The following TENM2 variants were observed in gnomAD, a reference collection of about 807,000 sequenced individuals.
TENM2 encodes teneurin-2.
In TENM2, 52 loss-of-function variants were observed where a neutral mutation model predicts 245.2. The ratio of observed to expected loss-of-function variants is 0.21; its 90% CI spans 0.17 to 0.27. The LOEUF (loss-of-function observed/expected upper bound fraction) is 0.27, where lower values mean the gene tolerates loss of function less well. Ranked by LOEUF, TENM2 falls within the 10% of genes least tolerant of loss-of-function variation. The pLI is 1.00. For synonymous variants in TENM2, 1,363 were observed against 1,438.9 expected, an observed-to-expected ratio of 0.95 and a Z score of 1.19; for missense variants, 3,046 against 3,666.8, an observed-to-expected ratio of 0.83 and a Z score of 4.37.
chr5:167,451,003 A>G (rs1361343763), intron 2 of TENM2, among the ~76,000 whole-genome samples: 1 of 152,204 alleles, frequency 6.6e-6, no homozygotes, highest in Non-Finnish European at 1.5e-5. Context: ...TCATTATTTC[A>G]AAAATTGTTA....
At chr5:168,194,458 G>A (rs1278423676) in intron 14 of TENM2, among the ~76,000 whole-genome samples, 1 of 151,956 alleles carries the variant, frequency 6.6e-6, no homozygotes, top group East Asian at 1.9e-4. Context: ...GAAATAAATT[G>A]GTAGGATTTC....
intron 4 of TENM2, among the ~76,000 whole-genome samples, chr5:167,963,999 A>G (rs1172568638): frequency 1.3e-5 from 2 of 152,218 alleles, no homozygotes; most frequent in Admixed American, 1.3e-4. Context: ...ATCAAACATA[A>G]GGCAGAACTA....
chr5:168,109,955 C>G (rs1204262149), intron 9 of TENM2, among the ~76,000 whole-genome samples: 1 of 151,772 alleles, frequency 6.6e-6, no homozygotes, highest in Non-Finnish European at 1.5e-5. Flanking sequence ...ATGGCAGTTG[C>G]GTTACCAAAC....
intron 14 of TENM2, among the ~76,000 whole-genome samples, chr5:168,194,848 G>A (rs768447378): frequency 6.6e-6 from 1 of 152,094 alleles, no homozygotes; most frequent in African/African-American, 2.4e-5. Flanking sequence ...TGGCACTCTC[G>A]GTGCCAGGCT....
At chr5:167,621,116 A>G (rs1778142702) in intron 2 of TENM2, among the ~76,000 whole-genome samples, 1 of 152,178 alleles carries the variant, frequency 6.6e-6, no homozygotes, top group Non-Finnish European at 1.5e-5. Context: ...ATAAGTGATG[A>G]TGTGGGCCAG....
chr5:167,081,956 A>G, the TENM2 span, among the ~76,000 whole-genome samples: 1 of 152,206 alleles, frequency 6.6e-6, no homozygotes, highest in Non-Finnish European at 1.5e-5. Flanking sequence ...TTGCAAAATA[A>G]ACGGTCAAGC....
At chr5:168,069,583 A>G (rs937568282) in intron 7 of TENM2, among the ~76,000 whole-genome samples, 3 of 152,162 alleles carry the variant, frequency 2.0e-5, no homozygotes, top group African/African-American at 7.2e-5. Context: ...TTCCATGTGC[A>G]TTATCTTGTT....
chr5:168,125,031 G>C (rs1047701206), exon 11 of TENM2: 5 of 1,608,256 alleles, frequency 3.1e-6, no homozygotes, highest in Non-Finnish European at 3.4e-6. Flanking sequence ...CCAACTGGAT[G>C]GGTCCCGACT....
chr5:167,373,080 A>G (rs1000730737), intron 1 of TENM2, among the ~76,000 whole-genome samples: 14 of 152,222 alleles, frequency 9.2e-5, no homozygotes, highest in African/African-American at 3.4e-4. Flanking sequence ...CCCCATGCTG[A>G]CAGGAACCTG....
intron 2 of TENM2, among the ~76,000 whole-genome samples, chr5:167,420,953 T>C (rs982391946): frequency 2.6e-5 from 4 of 152,162 alleles, no homozygotes; most frequent in Non-Finnish European, 5.9e-5. Context: ...TTAAAGACCA[T>C]AGTAAAAACG....
intron 12 of TENM2, 61 bp downstream of exon 14, chr5:168,127,027 G>A (rs1462823095): frequency 2.1e-6 from 3 of 1,401,618 alleles, no homozygotes; most frequent in Non-Finnish European, 2.9e-6. Context: ...CATGGCAACT[G>A]GCTGTTCCTT....
At chr5:167,876,022 T>G (rs1773394497) in exon 3 of TENM2, 1 of 1,551,472 alleles carries the variant, frequency 6.4e-7, no homozygotes, top group African/African-American at 1.4e-5. Flanking sequence ...CCTAGTCTCC[T>G]CCCATCTGCT....
chr5:167,306,374 T>A (rs1472547406), intron 1 of TENM2: 1 of 152,204 alleles, frequency 6.6e-6, no homozygotes, highest in African/African-American at 2.4e-5. Flanking sequence ...ACACAGTAAG[T>A]ACTGGCTTCT....
intron 2 of TENM2, among the ~76,000 whole-genome samples, chr5:167,469,682 C>T: frequency 6.6e-6 from 1 of 151,802 alleles, no homozygotes; most frequent in East Asian, 1.9e-4. Flanking sequence ...ATTCTTTTTC[C>T]TTTACATTTT....
intron 2 of TENM2, among the ~76,000 whole-genome samples, chr5:167,871,933 T>C (rs893803249): frequency 6.6e-6 from 1 of 152,016 alleles, no homozygotes. Flanking sequence ...TCTCTGTCAG[T>C]TGGAATAGTC....
At chr5:167,171,049 C>T in the TENM2 span, among the ~76,000 whole-genome samples, 1 of 152,158 alleles carries the variant, frequency 6.6e-6, no homozygotes, top group Admixed American at 6.6e-5. Flanking sequence ...GCTTCTCTCT[C>T]TGCATTCTCT....
At chr5:167,605,267 C>T (rs61216313) in intron 2 of TENM2, among the ~76,000 whole-genome samples, 6,288 of 152,142 alleles carry the variant, frequency 0.041, 251 homozygotes, top group African/African-American at 0.11. Context: ...ATGGAAAGAG[C>T]AGTAGTCATT....
intron 28 of TENM2, among the ~76,000 whole-genome samples, chr5:168,261,306 C>G (rs2173017): frequency 6.6e-6 from 1 of 151,942 alleles, no homozygotes; most frequent in African/African-American, 2.4e-5. Flanking sequence ...AGAACCAGGG[C>G]GAGGATCCAA....
At chr5:167,054,736 G>A in the TENM2 span, among the ~76,000 whole-genome samples, 18 of 152,184 alleles carry the variant, frequency 1.2e-4, no homozygotes, top group Non-Finnish European at 2.6e-4. Flanking sequence ...AGTAAGTGCA[G>A]AATAGTATCC....
Sources: allele counts gnomAD v4.1 joint callset (sites outside exome capture counted in the v4.1 genomes callset), GRCh38; gene constraint gnomAD v4.1.1; transcripts MANE v1.5; gene names NCBI Gene and HGNC (gene_info 2026-07-23, HGNC 2026-07-21).